TRAPPC10: variants seen among roughly 807,000 people sequenced by gnomAD.
TRAPPC10 encodes the protein trafficking protein particle complex subunit 10, also known as TRAPP 130 kDa subunit.
TRAPPC10 carries 23 observed loss-of-function variants against 125.5 expected under a neutral mutation model. The ratio of observed to expected loss-of-function variants is 0.18; its 90% CI spans 0.13 to 0.26. The LOEUF (loss-of-function observed/expected upper bound fraction) is 0.26. Ranked by LOEUF, TRAPPC10 falls within the 10% of genes least tolerant of loss-of-function variation. TRAPPC10 has a pLI of 1.00. For missense variants in TRAPPC10, 1,123 were observed against 1,308.4 expected (o/e 0.86, Z 2.19); for synonymous variants, 509 against 518.0 (o/e 0.98, Z 0.24).
rs1319950473 is a variant in TRAPPC10, at chr21:44,087,480, CTT to C, written c.2540-218_2540-217del. Among the ~76,000 whole-genome samples, 3 of 152,184 alleles carry C rather than the reference CTT, an allele frequency of 2.0e-5. No homozygotes were observed. The highest frequency in any genetic ancestry group is 4.4e-5 in the Non-Finnish European group (3 of 68,032). Reference sequence around the variant, plus strand: ...CCCGTGGGAAATGCCCTTTTCCTCTCTTCAGATTGAGATCAATGATGGGTCTG... The same window carrying C: ...CCCGTGGGAAATGCCCTTTTCCTCTCCAGATTGAGATCAATGATGGGTCTG... On this transcript the variant is annotated intron_variant, in intron 16 of 22. Transcript: ENST00000291574. This position sits in a 1 kb window ranked among gnomAD's most constrained non-coding sequence, Gnocchi z 4.6.
At chr21:44,012,652 C>G in intron 1 of TRAPPC10, 92 bp downstream of exon 1, 1 of 1,158,552 alleles carries the variant, frequency 8.6e-7, no homozygotes, top group Non-Finnish European at 1.2e-6. Flanking sequence ...CTTCAGCCCC[C>G]GGCGCGCTCC....
At chr21:44,080,662 C>G (rs1343808569) in intron 13 of TRAPPC10, among the ~76,000 whole-genome samples, 1 of 151,906 alleles carries the variant, frequency 6.6e-6, no homozygotes, top group Non-Finnish European at 1.5e-5. Flanking sequence ...CTCAGCCTCC[C>G]AAGTAGCTGG....
rs1681051479 is a variant in TRAPPC10 at position 44,059,620 on chromosome 21, G to C, written c.790+406G>C. The C allele has an allele frequency of 3.2e-6, 2 of 627,792 alleles. No homozygotes were observed. Among genetic ancestry groups the C allele is most frequent in the East Asian group, 5.5e-5 (2 of 36,242 alleles). 38.9% of individuals were successfully genotyped at this position (627,792 alleles called of 1,614,324 possible). On this transcript the variant is annotated intron_variant, in intron 6 of 22. Transcript: ENST00000291574. The surrounding 1 kb of genome is among the most constrained non-coding windows in gnomAD (Gnocchi z 4.4). The stretch of plus-strand genomic sequence containing the variant: ...GCTGTGAACTTATAAAATGCCCTTG[G>C]GTGTTCATCTTTCTTTTGCACTTTT...
rs562112028 is a variant in TRAPPC10 at position 44,059,525 on chromosome 21, G to C, written c.790+311G>C. 29 of 748,398 alleles carry C rather than the reference G, an allele frequency of 3.9e-5. No homozygotes were observed. The allele number at this position is 748,398 out of a possible 1,614,324, so 46.4% of individuals were successfully genotyped here. On this transcript the variant is annotated intron_variant, in intron 6 of 22. Transcript: ENST00000291574. The surrounding 1 kb of genome is among the most constrained non-coding windows in gnomAD (Gnocchi z 4.4). Reference sequence around the variant, plus strand: ...TGGTGATGCTTCGATTCTGTCCCTCGTTAGAATCAGAGTGGACGTCCCTTT... The same window carrying C: ...TGGTGATGCTTCGATTCTGTCCCTCCTTAGAATCAGAGTGGACGTCCCTTT...
intron 7 of TRAPPC10, among the ~76,000 whole-genome samples, chr21:44,064,678 T>G (rs989836801): frequency 6.6e-5 from 10 of 152,162 alleles, no homozygotes; most frequent in African/African-American, 2.4e-4. Context: ...ATGGGGACGG[T>G]GTTTCATAAT....
At chr21:44,078,729 C>T (rs892041865) in intron 11 of TRAPPC10, among the ~76,000 whole-genome samples, 4 of 152,154 alleles carry the variant, frequency 2.6e-5, no homozygotes, top group Middle Eastern at 3.2e-3. Context: ...AGAGGCTTCT[C>T]GGGAAAGGGG....
chr21:44,025,819 GGGGTGTGTGTGTGTGTGT>G (rs1183239087), intron 1 of TRAPPC10, among the ~76,000 whole-genome samples: 2 of 132,066 alleles, frequency 1.5e-5, no homozygotes, highest in African/African-American at 5.7e-5. Context: ...GCAGAGGGCA[GGGGTGTGTGTGTGTGTGT>G]GTGTGTGTGT....
chr21:44,101,122 C>T lies in TRAPPC10; in HGVS notation c.3347-1656C>T, dbSNP rs530645937. Reference sequence around the variant, plus strand: ...AGTGAGCCAAAATTGCGCCACTGCACTCCAGCCTGGGCAACGAGCAAAACT... The same window carrying T: ...AGTGAGCCAAAATTGCGCCACTGCATTCCAGCCTGGGCAACGAGCAAAACT... On this transcript the variant is annotated intron_variant, in intron 21 of 22. Coordinates refer to ENST00000291574, the MANE Select transcript of TRAPPC10 (RefSeq NM_003274.5). Among the ~76,000 whole-genome samples, 14 of 72,600 alleles carry T rather than the reference C, an allele frequency of 1.9e-4. 3 individuals are homozygous for T. The highest frequency in any genetic ancestry group is 4.2e-4 in the African/African-American group (14 of 33,124). The allele number at this position is 72,600 out of a possible 152,430, so 47.6% of individuals were successfully genotyped here.
At chr21:44,023,025 CTTTTTTT>C (rs1028804319) in intron 1 of TRAPPC10, among the ~76,000 whole-genome samples, 2 of 80,246 alleles carry the variant, frequency 2.5e-5, no homozygotes, top group Admixed American at 1.7e-4. Flanking sequence ...TTCCCTATGT[CTTTTTTT>C]TTTTTTTTTT....
chr21:44,039,561 A>T (rs1282656540), intron 3 of TRAPPC10, among the ~76,000 whole-genome samples: 1 of 152,096 alleles, frequency 6.6e-6, no homozygotes, highest in Non-Finnish European at 1.5e-5. Flanking sequence ...GCTGATAGGG[A>T]TGTGCCTTAG....
At chr21:44,038,013 A>G in intron 3 of TRAPPC10, 86 bp downstream of exon 3, 1 of 1,533,260 alleles carries the variant, frequency 6.5e-7, no homozygotes, top group Non-Finnish European at 8.8e-7. Flanking sequence ...GTGGGGGAAG[A>G]GGACGCGTGG....
intron 3 of TRAPPC10, among the ~76,000 whole-genome samples, chr21:44,050,809 GT>G (rs1180831289): frequency 6.6e-6 from 1 of 152,236 alleles, no homozygotes; most frequent in African/African-American, 2.4e-5. Flanking sequence ...GGACATAGCA[GT>G]TTTTAAAATC....
At chr21:44,085,008 C>T (rs1026588080) in intron 15 of TRAPPC10, among the ~76,000 whole-genome samples, 1 of 152,222 alleles carries the variant, frequency 6.6e-6, no homozygotes. Context: ...CTCTCCAGAC[C>T]CTGTCCTTTG....
intron 3 of TRAPPC10, among the ~76,000 whole-genome samples, chr21:44,039,556 T>C (rs916391034): frequency 7.2e-5 from 11 of 152,290 alleles, no homozygotes; most frequent in African/African-American, 2.6e-4. Context: ...ACAGAGCTGA[T>C]AGGGATGTGC....
At chr21:44,049,139 A>G (rs1041673307) in intron 3 of TRAPPC10, among the ~76,000 whole-genome samples, 1 of 152,124 alleles carries the variant, frequency 6.6e-6, no homozygotes, top group African/African-American at 2.4e-5. Context: ...GTGAGCTCTC[A>G]GTGGGCATGG....
intron 1 of TRAPPC10, among the ~76,000 whole-genome samples, chr21:44,015,038 T>TA (rs541255863): frequency 2.5e-3 from 385 of 152,274 alleles, no homozygotes; most frequent in African/African-American, 9.0e-3. Flanking sequence ...ACAATTGCTT[T>TA]AAAAAAATCC....
chr21:44,079,539 A>C, intron 11 of TRAPPC10, 25 bp from the exon 12 acceptor site: 3 of 1,579,186 alleles, frequency 1.9e-6, no homozygotes, highest in East Asian at 4.5e-5. Flanking sequence ...CTGTAATGAA[A>C]GCTACTGTTT....
Position 44,086,867 on chromosome 21 carries a change from A to G in TRAPPC10, c.2446A>G (p.Lys816Glu). The change falls in exon 16 of 23, where the codon AAG becomes GAG. Residue 816 changes from lysine (K) to glutamate (E), a missense_variant. Around this residue, in one of 4 missense-constraint regions of TRAPPC10, gnomAD observed 840 missense variants for 902.0 expected, o/e 0.93. Transcript: ENST00000291574. ...TGTCACTACCGGCCATTATACGATA[A>G]AGAATGGAGACAGCCTGCAGCTTAG... The part of the protein sequence containing the change: ...FTVTTGHYTI[K>E]NGDSLQLSNA... 6.2e-7 allele frequency: 1 copy of G among 1,614,186 alleles called. No homozygotes were observed. Among genetic ancestry groups the G allele is most frequent in the Non-Finnish European group, 8.5e-7 (1 of 1,180,014 alleles).
At chr21:44,030,592 G>A (rs1451094951) in intron 1 of TRAPPC10, among the ~76,000 whole-genome samples, 1 of 151,818 alleles carries the variant, frequency 6.6e-6, no homozygotes, top group East Asian at 1.9e-4. Context: ...TCAGCCTCCC[G>A]AGTAGCTAGG....
Sources: gnomAD v4.1 joint callset for allele counts (sites outside exome capture counted in the v4.1 genomes callset) on GRCh38, gnomAD v4.1.1 for gene constraint, gnomAD v4.1.1 regional missense constraint, Gnocchi (gnomAD v3.1) non-coding constraint, MANE v1.5 for transcripts, NCBI Gene and HGNC (gene_info 2026-07-23, HGNC 2026-07-21) for gene names.